DPRX: variants seen among roughly 807,000 people sequenced by gnomAD.
DPRX encodes the protein divergent paired-related homeobox.
Under a neutral mutation model 8.4 loss-of-function variants are expected in DPRX, and 11 were observed. That is an observed-to-expected ratio of 1.31 (90% CI 0.82 to 2.17). The LOEUF (loss-of-function observed/expected upper bound fraction) is 2.17, where lower values mean the gene tolerates loss of function less well. Among genes scored for constraint, DPRX ranks in the 30% most tolerant of loss-of-function variants. The probability of loss-of-function intolerance (pLI) is 0.00; values close to 1 mark genes in which losing one functional copy is unlikely to be tolerated. For missense variants in DPRX, 211 were observed against 236.7 expected, an observed-to-expected ratio of 0.89 and a Z score of 0.71; for synonymous variants, 72 against 87.0, an observed-to-expected ratio of 0.83 and a Z score of 0.96.
the DPRX span, among the ~76,000 whole-genome samples, chr19:53,617,418 C>T: frequency 3.3e-5 from 5 of 151,750 alleles, no homozygotes; most frequent in Admixed American, 1.3e-4. Flanking sequence ...ATTAGCCAGG[C>T]GTGGTGACAC....
chr19:53,609,933 T>G, the DPRX span, among the ~76,000 whole-genome samples: 2 of 151,508 alleles, frequency 1.3e-5, no homozygotes, highest in African/African-American at 4.9e-5. Context: ...TGTGGTGGGC[T>G]GACATCATGC....
chr19:53,616,730 G>C, the DPRX span: 1 of 1,273,516 alleles, frequency 7.9e-7, no homozygotes, highest in South Asian at 1.5e-5. Context: ...TTCCAGCCTG[G>C]GCAACAAGAG....
chr19:53,618,121 C>G, the DPRX span, among the ~76,000 whole-genome samples: 4 of 141,596 alleles, frequency 2.8e-5, no homozygotes, highest in Non-Finnish European at 4.5e-5. Context: ...CCAGCCTGGG[C>G]GACAGAGCGA....
chr19:53,609,672 C>G, the DPRX span, among the ~76,000 whole-genome samples: 1 of 151,836 alleles, frequency 6.6e-6, no homozygotes, highest in African/African-American at 2.4e-5. Context: ...TCTAGACCAG[C>G]CTGACCAACA....
At chr19:53,623,201 GA>G in the DPRX span, among the ~76,000 whole-genome samples, 1 of 152,160 alleles carries the variant, frequency 6.6e-6, no homozygotes, top group Non-Finnish European at 1.5e-5. Flanking sequence ...CAGCTATTCA[GA>G]AGGCTGAGGC....
chr19:53,613,491 G>A, the DPRX span, among the ~76,000 whole-genome samples: 12 of 151,656 alleles, frequency 7.9e-5, no homozygotes, highest in Admixed American at 7.9e-4. Context: ...GGAATTACGG[G>A]TGCGTGCCAT....
At chr19:53,603,458 T>C in the DPRX span, 1 of 451,614 alleles carries the variant, frequency 2.2e-6, no homozygotes, top group Non-Finnish European at 4.5e-6. Context: ...CAGGAACACA[T>C]GCTGGGGATT....
the DPRX span, among the ~76,000 whole-genome samples, chr19:53,626,291 C>T: frequency 6.6e-6 from 1 of 152,066 alleles, no homozygotes; most frequent in Admixed American, 6.6e-5. Flanking sequence ...GTTGGCTAGG[C>T]TGGTCTCACA....
At position 53,632,283 on chromosome 19, in the gene DPRX, T is replaced by TTTG. The variant is rs749939837; in HGVS notation, c.28+161_28+163dup. ...ACTTCCCACAGAGGCTGTCATCGTT[T>TTTG]TTGTTGTTGTTGTTTTGTTTTGTTT... is the stretch of plus-strand genomic sequence containing the variant. On this transcript the variant is annotated intron_variant, in intron 1 of 2. Transcript: ENST00000376650. 1.6e-5 allele frequency: 16 copies of TTTG among 978,702 alleles called. No homozygotes were observed. In the South Asian group the frequency reaches 2.2e-4, roughly 13 times the overall value. The allele number at this position is 978,702 out of a possible 1,614,324, so 60.6% of individuals were successfully genotyped here.
At chr19:53,623,409 A>AG in the DPRX span, among the ~76,000 whole-genome samples, 1 of 145,262 alleles carries the variant, frequency 6.9e-6, no homozygotes, top group East Asian at 2.1e-4. Context: ...GAGGCCGAGG[A>AG]GGGCGGATCA....
At chr19:53,636,740 T>A in exon 3 of DPRX, 1 of 1,614,150 alleles carries the variant, frequency 6.2e-7, no homozygotes, top group Non-Finnish European at 8.5e-7. Flanking sequence ...ACTACCCAGA[T>A]TGCCCAACGC....
At chr19:53,636,481 T>A in intron 2 of DPRX, 115 bp from the exon 3 acceptor site, 1 of 892,578 alleles carries the variant, frequency 1.1e-6, no homozygotes, top group Non-Finnish European at 1.5e-6. Flanking sequence ...AAAAAAAGAA[T>A]ATAAATAAAT....
chr19:53,617,370 G>A, the DPRX span: 1 of 464,178 alleles, frequency 2.2e-6, no homozygotes, highest in Non-Finnish European at 4.0e-6. Flanking sequence ...ATCAGCCTGG[G>A]CAACATGGTA....
At chr19:53,631,222 C>T (rs143208382), upstream of DPRX, among the ~76,000 whole-genome samples, 400 of 150,734 alleles carry the variant, frequency 2.7e-3, no homozygotes, top group African/African-American at 9.0e-3. Context: ...ACCTGAGAGG[C>T]GGAGGTTGCT....
At chr19:53,630,250 G>A (rs1351569499), upstream of DPRX, among the ~76,000 whole-genome samples, 3 of 150,730 alleles carry the variant, frequency 2.0e-5, no homozygotes, top group East Asian at 6.0e-4. Flanking sequence ...GATCAGTAGT[G>A]GAATCAGCTT....
At chr19:53,621,366 C>T in the DPRX span, among the ~76,000 whole-genome samples, 1 of 152,038 alleles carries the variant, frequency 6.6e-6, no homozygotes, top group Non-Finnish European at 1.5e-5. Flanking sequence ...CTCCTGGCCT[C>T]AAATGATCCT....
chr19:53,636,529 A>AT, intron 2 of DPRX, 67 bp from the exon 3 acceptor site: 1 of 1,287,906 alleles, frequency 7.8e-7, no homozygotes, highest in South Asian at 2.9e-5. Flanking sequence ...AAAAGTAAAA[A>AT]TTTTTTAAAA....
At chr19:53,602,212 A>T in the DPRX span, 3 of 444,596 alleles carry the variant, frequency 6.7e-6, no homozygotes, top group Admixed American at 2.4e-5. Context: ...TCAGAAGCTA[A>T]ATAAGTGAAG....
chr19:53,623,345 A>ATAAATAAAT, the DPRX span, among the ~76,000 whole-genome samples: 1 of 150,552 alleles, frequency 6.6e-6, no homozygotes, highest in Non-Finnish European at 1.5e-5. Flanking sequence ...AAATAAATAA[A>ATAAATAAAT]AGGCCATTCC....
Sources: gnomAD v4.1 joint callset for allele counts (sites outside exome capture counted in the v4.1 genomes callset) on GRCh38, gnomAD v4.1.1 for gene constraint, MANE v1.5 for transcripts, NCBI Gene and HGNC (gene_info 2026-07-23, HGNC 2026-07-21) for gene names.